NRXN2: variants seen among roughly 807,000 people sequenced by gnomAD.
NRXN2 encodes neurexin-2-beta.
NRXN2 carries 29 observed loss-of-function variants against 128.8 expected under a neutral mutation model. That is an observed-to-expected ratio of 0.23 (90% CI 0.17 to 0.31). The LOEUF (loss-of-function observed/expected upper bound fraction) is 0.31. Ranked by LOEUF, NRXN2 falls within the 10% of genes least tolerant of loss-of-function variation. The pLI, the probability that NRXN2 is intolerant of heterozygous loss-of-function variation, is 1.00. For synonymous variants in NRXN2, 1,098 were observed against 1,075.2 expected (o/e 1.02, Z -0.41); for missense variants, 1,881 against 2,452.6 (o/e 0.77, Z 4.92).
rs76819778 is a variant in NRXN2 at position 64,638,806 on chromosome 11, T to C, written c.3404-3354A>G. Among the ~76,000 whole-genome samples, 774 of 152,270 alleles carry C rather than the reference T, an allele frequency of 5.1e-3. 4 individuals are homozygous for C. Among genetic ancestry groups the C allele is most frequent in the African/African-American group, 0.017 (726 of 41,538 alleles). On this transcript the variant is annotated intron_variant, in intron 17 of 22. Coordinates refer to ENST00000265459, the MANE Select transcript of NRXN2 (RefSeq NM_015080.4). The stretch of plus-strand genomic sequence containing the variant: ...GCCTCTGGCCAAACACAAGATGCCA[T>C]AGGCCCAGGTTCGGCACCTTCTGCC...
chr11:64,708,035 T>C (rs1486101831), intron 2 of NRXN2, among the ~76,000 whole-genome samples: 2 of 151,622 alleles, frequency 1.3e-5, no homozygotes, highest in African/African-American at 4.9e-5. Flanking sequence ...AAGGCAGAGG[T>C]TGTGGTGAGC....
At chr11:64,621,560 T>G (rs911621104) in intron 21 of NRXN2, among the ~76,000 whole-genome samples, 2 of 152,034 alleles carry the variant, frequency 1.3e-5, no homozygotes, top group Admixed American at 6.5e-5. Context: ...CAGCACAGAC[T>G]GGCAGGGAGG....
In NRXN2 at chr11:64,626,571, G is replaced by C; in HGVS notation, c.3758-19C>G. Reference sequence around the variant, plus strand: ...AAGTTTCCTTGGAAAAGTTTAGAAAGACAGTAGGTTTCTCAGGCAGCGAAG... The same window carrying C: ...AAGTTTCCTTGGAAAAGTTTAGAAACACAGTAGGTTTCTCAGGCAGCGAAG... On this transcript the variant is annotated intron_variant, in intron 19 of 22. Transcript: ENST00000265459. 1 of 1,596,310 alleles carries C rather than the reference G, an allele frequency of 6.3e-7. No homozygotes were observed. The highest frequency in any genetic ancestry group is 1.1e-5 in the South Asian group (1 of 90,732).
chr11:64,690,564 G>C, intron 4 of NRXN2, 88 bp from the exon 5 acceptor site: 4 of 1,178,376 alleles, frequency 3.4e-6, no homozygotes, highest in Non-Finnish European at 3.7e-6. Context: ...CCTCTCCAGG[G>C]TGGAGGTGCT....
intron 7 of NRXN2, among the ~76,000 whole-genome samples, chr11:64,673,429 A>G (rs540923940): frequency 4.6e-5 from 7 of 152,294 alleles, no homozygotes; most frequent in African/African-American, 1.7e-4. Flanking sequence ...AACTAACCAA[A>G]ACCTGTCTGG....
At chr11:64,688,201 C>T (rs949137130) in intron 5 of NRXN2, among the ~76,000 whole-genome samples, 2 of 152,170 alleles carry the variant, frequency 1.3e-5, no homozygotes, top group African/African-American at 2.4e-5. Context: ...GGCCATTTCT[C>T]GACTCCTCAG....
At chr11:64,702,567 C>T (rs969252989) in intron 2 of NRXN2, among the ~76,000 whole-genome samples, 3 of 152,000 alleles carry the variant, frequency 2.0e-5, no homozygotes, top group African/African-American at 7.3e-5. Context: ...AAGGGCGGTG[C>T]AAGATGTGCT....
chr11:64,703,895 A>G (rs1167158740), intron 2 of NRXN2, among the ~76,000 whole-genome samples: 1 of 152,236 alleles, frequency 6.6e-6, no homozygotes, highest in African/African-American at 2.4e-5. Flanking sequence ...ACAGAGTAGG[A>G]CGTTGAAGAA....
intron 7 of NRXN2, among the ~76,000 whole-genome samples, chr11:64,669,646 C>T (rs2135516623): frequency 6.6e-6 from 1 of 152,262 alleles, no homozygotes; most frequent in South Asian, 2.1e-4. Flanking sequence ...CTCCAACTCT[C>T]CCAGTCTCCC....
At chr11:64,628,382 C>A (rs897510582) in intron 19 of NRXN2, among the ~76,000 whole-genome samples, 1 of 152,150 alleles carries the variant, frequency 6.6e-6, no homozygotes, top group Non-Finnish European at 1.5e-5. Context: ...GGGTCCCCCC[C>A]CACTCTGGGC....
In NRXN2 at chr11:64,660,260, C is replaced by G; in HGVS notation, c.2389+72G>C. 6.5e-7 allele frequency: 1 copy of G among 1,542,876 alleles called. No individual in the cohort carries two copies. The highest frequency in any genetic ancestry group is 9.0e-7 in the Non-Finnish European group (1 of 1,117,110). ...CTTGCTGGTGCCACCACCAGCTTCTCCAGACAGAGGCAGGTGTGGGTCAGA... is the reference window on the plus strand; with the variant it reads ...CTTGCTGGTGCCACCACCAGCTTCTGCAGACAGAGGCAGGTGTGGGTCAGA... On this transcript the variant is annotated intron_variant, in intron 11 of 22. Transcript: ENST00000265459. The surrounding 1 kb of genome is among the most constrained non-coding windows in gnomAD (Gnocchi z 5.2).
chr11:64,673,891 A>T (rs2050948713), intron 7 of NRXN2, among the ~76,000 whole-genome samples: 1 of 152,038 alleles, frequency 6.6e-6, no homozygotes, highest in Admixed American at 6.5e-5. Context: ...ACAAAAAATT[A>T]GCCAGGAGTG....
chr11:64,607,716 G>C lies in NRXN2; in HGVS notation c.4619C>G (p.Thr1540Arg). 1 of 1,560,548 alleles carries C rather than the reference G, an allele frequency of 6.4e-7. No homozygotes were observed. The highest frequency in any genetic ancestry group is 8.7e-7 in the Non-Finnish European group (1 of 1,152,478). Residue 1540 changes from threonine to arginine, a missense_variant, in exon 23 of 23, where the codon ACA becomes AGA. This residue lies in a region of NRXN2 where 310 missense variants were observed against 318.2 expected (regional missense o/e 0.97). Coordinates refer to ENST00000265459, the MANE Select transcript of NRXN2 (RefSeq NM_015080.4). ...RKPAPRPNLR[T>R]DGATGAPGVL... The stretch of plus-strand genomic sequence containing the variant: ...CCCAGGGGCGCCCGTGGCCCCATCT[G>C]TCCTGAGGTTGGGCCGGGGAGCGGG...
intron 20 of NRXN2, among the ~76,000 whole-genome samples, chr11:64,624,468 C>T (rs1200387989): frequency 6.6e-6 from 1 of 152,276 alleles, no homozygotes; most frequent in Non-Finnish European, 1.5e-5. Flanking sequence ...GGCCAAGAGG[C>T]AGAGGGCCAG....
At chr11:64,613,137 G>GGCATAT (rs1378126065) in intron 22 of NRXN2, among the ~76,000 whole-genome samples, 1 of 152,228 alleles carries the variant, frequency 6.6e-6, no homozygotes, top group African/African-American at 2.4e-5. Context: ...GGTACATTGT[G>GGCATAT]GCATATGCAC....
chr11:64,659,848 T>G (rs1007381234), intron 11 of NRXN2, among the ~76,000 whole-genome samples: 1 of 152,180 alleles, frequency 6.6e-6, no homozygotes, highest in Non-Finnish European at 1.5e-5. Context: ...CTGTTTAGAC[T>G]GAGCAGAGCA....
intron 17 of NRXN2, chr11:64,643,356 CGGGGGAGGG>C: frequency 4.4e-4 from 6 of 13,548 alleles, no homozygotes; most frequent in South Asian, 2.4e-3. Flanking sequence ...AGGGAGCGGC[CGGGGGAGGG>C]GGGGGCGGGA....
intron 22 of NRXN2, among the ~76,000 whole-genome samples, chr11:64,617,814 T>C (rs1403363884): frequency 6.6e-6 from 1 of 152,150 alleles, no homozygotes; most frequent in Non-Finnish European, 1.5e-5. Context: ...TGGCCTCCCA[T>C]TGGGATGATG....
chr11:64,661,595 C>T (rs539179684), intron 9 of NRXN2, among the ~76,000 whole-genome samples: 241 of 152,284 alleles, frequency 1.6e-3, no homozygotes, highest in African/African-American at 5.7e-3. Context: ...TTTTTCCCCC[C>T]ACAAACATTT....
Sources: allele counts gnomAD v4.1 joint callset (sites outside exome capture counted in the v4.1 genomes callset), GRCh38; gene constraint gnomAD v4.1.1; regional missense constraint gnomAD v4.1.1; non-coding constraint Gnocchi (gnomAD v3.1); transcripts MANE v1.5; gene names NCBI Gene and HGNC (gene_info 2026-07-23, HGNC 2026-07-21).